Variants in ITGB6 observed in about 807,000 individuals in gnomAD.
The protein encoded by ITGB6 is integrin beta-6.
ITGB6 carries 80 observed loss-of-function variants against 84.5 expected under a neutral mutation model. The ratio of observed to expected loss-of-function variants is 0.95; its 90% CI spans 0.79 to 1.14. The LOEUF is 1.14. ITGB6 is among the 50% of genes most tolerant of loss of function. The pLI is 0.00. For missense variants in ITGB6, 1,006 were observed against 968.0 expected (o/e 1.04, Z -0.52); for synonymous variants, 383 against 354.9 (o/e 1.08, Z -0.89).
chr2:160,132,276 G>A (rs1683500697), intron 10 of ITGB6, among the ~76,000 whole-genome samples: 1 of 152,046 alleles, frequency 6.6e-6, no homozygotes, highest in African/African-American at 2.4e-5. Context: ...TAAATGAAAA[G>A]GGAGAGAAAT....
Position 160,137,629 on chromosome 2 carries a change from G to A in ITGB6, c.1465C>T (p.Arg489Cys), listed in dbSNP as rs776181453. ...CACHPGHMGP[R>C]CECGEDMLST... ...AGCATGTCCTCGCCACACTCACAGCGAGGCCCCATGTGGCCAGGGTGGCAG... is the reference window on the plus strand; with the variant it reads ...AGCATGTCCTCGCCACACTCACAGCAAGGCCCCATGTGGCCAGGGTGGCAG... The change falls in exon 10 of 15, where the codon CGC (arginine) becomes TGC (cysteine). Residue 489 changes from arginine (R) to cysteine (C), a missense_variant. Physicochemically the swap from Arg to Cys is radical, Grantham distance 180. Transcript: ENST00000283249. 1.7e-5 allele frequency: 28 copies of A among 1,614,064 alleles called. No homozygotes were observed. Among genetic ancestry groups the A allele is most frequent in the South Asian group, 1.3e-4 (12 of 91,090 alleles).
chr2:160,194,594 G>A (rs550548435), intron 4 of ITGB6, among the ~76,000 whole-genome samples: 1 of 152,182 alleles, frequency 6.6e-6, no homozygotes, highest in East Asian at 1.9e-4. Flanking sequence ...TTAACCTGCT[G>A]TTTAACCTGC....
chr2:160,117,676 G>C (rs1682844991), intron 12 of ITGB6, among the ~76,000 whole-genome samples: 1 of 152,114 alleles, frequency 6.6e-6, no homozygotes, highest in South Asian at 2.1e-4. Flanking sequence ...GAGCAGAACT[G>C]AAGGAAATAG....
At chr2:160,145,285 C>T (rs1018845212) in intron 7 of ITGB6, among the ~76,000 whole-genome samples, 5 of 152,130 alleles carry the variant, frequency 3.3e-5, no homozygotes, top group African/African-American at 9.7e-5. Context: ...TATGCTTGGG[C>T]TTGAATTCTC....
chr2:160,129,721 C>T (rs1472535746), intron 10 of ITGB6, among the ~76,000 whole-genome samples: 1 of 152,132 alleles, frequency 6.6e-6, no homozygotes, highest in African/African-American at 2.4e-5. Flanking sequence ...GAATTCTGGA[C>T]TTTCTCTTGT....
chr2:160,148,971 A>G (rs962337239), intron 7 of ITGB6, among the ~76,000 whole-genome samples: 9 of 152,246 alleles, frequency 5.9e-5, no homozygotes, highest in African/African-American at 1.7e-4. Context: ...GGAGCCCACC[A>G]CAGCTCAACA....
chr2:160,109,096 T>C (rs1410510662), intron 13 of ITGB6, among the ~76,000 whole-genome samples: 4 of 152,222 alleles, frequency 2.6e-5, no homozygotes, highest in African/African-American at 9.7e-5. Context: ...TATACACATA[T>C]GACTAGTCAT....
intron 12 of ITGB6, among the ~76,000 whole-genome samples, chr2:160,119,817 C>T (rs1682950571): frequency 6.6e-6 from 1 of 151,904 alleles, no homozygotes; most frequent in South Asian, 2.1e-4. Context: ...AACAAATTTA[C>T]AAGAAAAAAA....
intron 8 of ITGB6, among the ~76,000 whole-genome samples, chr2:160,139,373 T>TA (rs141569003): frequency 0.024 from 3,726 of 152,248 alleles, 142 homozygotes; most frequent in African/African-American, 0.085. Flanking sequence ...TGTGTGGGTA[T>TA]ATAGTAGGTG....
chr2:160,192,081 G>A (rs940299288), intron 4 of ITGB6, among the ~76,000 whole-genome samples: 3 of 152,068 alleles, frequency 2.0e-5, no homozygotes, highest in Non-Finnish European at 4.4e-5. Context: ...TTTCAATGTT[G>A]TCTCAATAAA....
At chr2:160,105,274 G>A (rs1044438849) in intron 14 of ITGB6, among the ~76,000 whole-genome samples, 2 of 151,958 alleles carry the variant, frequency 1.3e-5, no homozygotes, top group East Asian at 1.9e-4. Context: ...TGTTCGGGTC[G>A]CATGTTAGAT....
intron 7 of ITGB6, among the ~76,000 whole-genome samples, chr2:160,145,712 C>T (rs1288891796): frequency 6.6e-6 from 1 of 152,160 alleles, no homozygotes; most frequent in Non-Finnish European, 1.5e-5. Context: ...GGCAGAGGAA[C>T]ATGCGGTCAC....
rs1157575873 is a variant in ITGB6, at chr2:160,137,804, G to T, written c.1290C>A (p.Ser430Arg). The T allele has an allele frequency of 6.2e-7, 1 of 1,614,024 alleles. No individual in the cohort carries two copies. The highest frequency in any genetic ancestry group is 8.5e-7 in the Non-Finnish European group (1 of 1,180,030). Residue 430 changes from serine (S) to arginine (R), a missense_variant, in exon 10 of 15, where the codon AGC (serine) becomes AGA (arginine). By Grantham distance (110) the Ser-to-Arg change is moderately radical. Transcript: ENST00000283249. ...CCACAGGCTTTATGATAATGTGCCT[G>T]CTTCTTCTCTCGCAGTGTGGGATAT... Reference protein sequence around the residue: ...TVNIPHCERRSRHIIIKPVGL... With the variant: ...TVNIPHCERRRRHIIIKPVGL...
chr2:160,144,240 C>T (rs1031265930), intron 7 of ITGB6, among the ~76,000 whole-genome samples: 1 of 152,106 alleles, frequency 6.6e-6, no homozygotes, highest in Non-Finnish European at 1.5e-5. Context: ...GCTGCTCTGC[C>T]TTGACACTGT....
chr2:160,141,923 A>C, intron 8 of ITGB6, 59 bp downstream of exon 8: 2 of 1,075,620 alleles, frequency 1.9e-6, no homozygotes, highest in Non-Finnish European at 2.8e-6. Context: ...CCTAAATCAC[A>C]TCTTAGTTTT....
At chr2:160,194,463 T>C (rs1222861235) in intron 4 of ITGB6, among the ~76,000 whole-genome samples, 1 of 152,048 alleles carries the variant, frequency 6.6e-6, no homozygotes, top group East Asian at 1.9e-4. Context: ...ATGGGCTTGC[T>C]TTTGGGACAA....
chr2:160,189,532 A>C (rs1267799290), intron 4 of ITGB6, among the ~76,000 whole-genome samples: 1 of 152,232 alleles, frequency 6.6e-6, no homozygotes, highest in African/African-American at 2.4e-5. Flanking sequence ...CCCCATCAAA[A>C]AGTGGGCGAA....
chr2:160,168,041 A>G (rs985308105), intron 7 of ITGB6, among the ~76,000 whole-genome samples: 8 of 152,200 alleles, frequency 5.3e-5, no homozygotes, highest in Non-Finnish European at 7.3e-5. Context: ...CAAATATCAC[A>G]TACTAAAAAG....
At chr2:160,158,165 G>A (rs967085786) in intron 7 of ITGB6, among the ~76,000 whole-genome samples, 1 of 152,206 alleles carries the variant, frequency 6.6e-6, no homozygotes, top group African/African-American at 2.4e-5. Flanking sequence ...TCCATAGGCA[G>A]GCAGGTAGTG....
Sources: allele counts gnomAD v4.1 joint callset (sites outside exome capture counted in the v4.1 genomes callset), GRCh38; gene constraint gnomAD v4.1.1; transcripts MANE v1.5; gene names NCBI Gene and HGNC (gene_info 2026-07-23, HGNC 2026-07-21).